Variants in CHD6 observed in about 807,000 individuals in gnomAD.
The protein encoded by CHD6 is ATP-dependent chromatin remodeler CHD6.
CHD6 carries 50 observed loss-of-function variants against 276.9 expected under a neutral mutation model. The ratio of observed to expected loss-of-function variants is 0.18; its 90% CI spans 0.14 to 0.23. The LOEUF is 0.23. CHD6 is among the 10% of genes least tolerant of loss of function. CHD6 has a pLI of 1.00. For missense variants in CHD6, 2,564 were observed against 3,365.8 expected (o/e 0.76, Z 5.89); for synonymous variants, 1,173 against 1,229.3 (o/e 0.95, Z 0.96).
At chr20:41,476,536 A>C (rs1446539680) in intron 16 of CHD6, among the ~76,000 whole-genome samples, 1 of 152,198 alleles carries the variant, frequency 6.6e-6, no homozygotes, top group Non-Finnish European at 1.5e-5. Context: ...CAAAACCAAC[A>C]CCAAAAACCA....
intron 3 of CHD6, among the ~76,000 whole-genome samples, chr20:41,525,871 T>C (rs1208689346): frequency 6.6e-6 from 1 of 152,228 alleles, no homozygotes; most frequent in Non-Finnish European, 1.5e-5. Flanking sequence ...TTTATATTTT[T>C]GCCTGTGTCT....
chr20:41,609,046 A>T (rs1034724672), intron 1 of CHD6, among the ~76,000 whole-genome samples: 1 of 152,238 alleles, frequency 6.6e-6, no homozygotes, highest in Non-Finnish European at 1.5e-5. Context: ...ACAAACCTGA[A>T]GTAAGGAACC....
intron 23 of CHD6, among the ~76,000 whole-genome samples, chr20:41,450,265 C>G (rs920034848): frequency 2.0e-5 from 3 of 152,166 alleles, no homozygotes; most frequent in Admixed American, 6.5e-5. Context: ...ACCGGAGGCC[C>G]TCACACTGCC....
At chr20:41,567,283 C>G (rs2045366093) in intron 1 of CHD6, among the ~76,000 whole-genome samples, 1 of 152,170 alleles carries the variant, frequency 6.6e-6, no homozygotes, top group South Asian at 2.1e-4. Context: ...TCCCCCTTAT[C>G]AAGGGTCAAG....
At chr20:41,419,452 T>C (rs755937547) in intron 31 of CHD6, among the ~76,000 whole-genome samples, 1 of 147,884 alleles carries the variant, frequency 6.8e-6, no homozygotes, top group African/African-American at 2.5e-5. Flanking sequence ...GGCACACACC[T>C]GTAATCCCAG....
intron 1 of CHD6, among the ~76,000 whole-genome samples, chr20:41,599,047 G>A (rs1292568704): frequency 1.3e-5 from 2 of 152,188 alleles, no homozygotes; most frequent in Non-Finnish European, 2.9e-5. Context: ...ATAGCTACAG[G>A]ATTTCAATCT....
intron 1 of CHD6, among the ~76,000 whole-genome samples, chr20:41,558,986 GAAC>G (rs2045271307): frequency 6.6e-6 from 1 of 152,114 alleles, no homozygotes; most frequent in South Asian, 2.1e-4. Context: ...CCTTTCAGTG[GAAC>G]AACGACTTTA....
chr20:41,457,663 G>A (rs1171443844), intron 17 of CHD6, among the ~76,000 whole-genome samples: 1 of 152,218 alleles, frequency 6.6e-6, no homozygotes, highest in Non-Finnish European at 1.5e-5. Context: ...AAAGCAATGA[G>A]AAGGACATGG....
intron 19 of CHD6, 50 bp downstream of exon 19, chr20:41,455,750 A>AT (rs760799864): frequency 8.0e-4 from 1,010 of 1,254,728 alleles, no homozygotes; most frequent in South Asian, 1.1e-3. Flanking sequence ...GAGAATAAAC[A>AT]TTTTTTTTTC....
intron 17 of CHD6, among the ~76,000 whole-genome samples, chr20:41,461,137 C>T (rs1462688053): frequency 6.6e-6 from 1 of 152,220 alleles, no homozygotes; most frequent in Non-Finnish European, 1.5e-5. Flanking sequence ...TGTATTTACC[C>T]AATACCTGTA....
At chr20:41,575,746 A>T (rs1212730515) in intron 1 of CHD6, among the ~76,000 whole-genome samples, 1 of 152,234 alleles carries the variant, frequency 6.6e-6, no homozygotes, top group African/African-American at 2.4e-5. Context: ...CTTTCATTGT[A>T]TGGTTTGTCC....
intron 1 of CHD6, among the ~76,000 whole-genome samples, chr20:41,594,658 A>C (rs1240112350): frequency 6.6e-6 from 1 of 152,228 alleles, no homozygotes; most frequent in Non-Finnish European, 1.5e-5. Flanking sequence ...CTTCCTGCTT[A>C]ATCTGTAATG....
In CHD6 at chr20:41,422,061, A is replaced by T. The variant is rs764396724; in HGVS notation, c.4574T>A (p.Ile1525Asn). The part of the protein sequence containing the change: ...WKDGGPPDTT[I>N]YVEPITEERA... ...TTCCTCAGTGATGGGTTCAACGTAG[A>T]TGGTGGTATCTGGGGGACCTGGAGA... is the stretch of plus-strand genomic sequence containing the variant. Residue 1525 changes from isoleucine to asparagine, a missense_variant, in exon 31 of 37, where the codon ATC becomes AAC. Physicochemically the swap from Ile to Asn is moderately radical, Grantham distance 149 (BLOSUM62 -3). Transcript: ENST00000373233. 1.2e-6 allele frequency: 2 copies of T among 1,609,292 alleles called. No individual in the cohort carries two copies. Among genetic ancestry groups the T allele is most frequent in the Admixed American group, 3.3e-5 (2 of 59,798 alleles).
chr20:41,613,788 T>TAGA (rs1328781010), intron 1 of CHD6, among the ~76,000 whole-genome samples: 1 of 152,120 alleles, frequency 6.6e-6, no homozygotes, highest in African/African-American at 2.4e-5. Flanking sequence ...TTGAGAATCA[T>TAGA]AAAAAACAAT....
chr20:41,447,860 T>A (rs2048118075), intron 24 of CHD6, 22 bp downstream of exon 24: 1 of 1,537,060 alleles, frequency 6.5e-7, no homozygotes, highest in African/African-American at 1.4e-5. Context: ...AACGTTGATA[T>A]GTTAAGTTTC....
rs879215421 is a variant in CHD6, at chr20:41,403,927, G to A, written c.*666C>T. On this transcript the variant is annotated 3_prime_UTR_variant, in exon 37 of 37. Coordinates refer to ENST00000373233, the MANE Select transcript of CHD6 (RefSeq NM_032221.5). ...GTGAGAGGGATGTATAGAAAATAAT[G>A]CCTAGTCAGTCAGTATTTCTTCTTG... The A allele has an allele frequency of 9.5e-7, 1 of 1,054,354 alleles. No homozygotes were observed. The highest frequency in any genetic ancestry group is 5.5e-5 in the Admixed American group (1 of 18,308). The allele number at this position is 1,054,354 out of a possible 1,614,324, so 65.3% of individuals were successfully genotyped here.
intron 2 of CHD6, among the ~76,000 whole-genome samples, chr20:41,542,982 T>C (rs1194131661): frequency 6.6e-6 from 1 of 151,696 alleles, no homozygotes; most frequent in African/African-American, 2.4e-5. Flanking sequence ...CGTGTGCCTG[T>C]AATCCCAGCT....
chr20:41,533,725 G>A (rs2044750701), intron 2 of CHD6, among the ~76,000 whole-genome samples, 155 bp from the exon 3 acceptor site: 1 of 152,164 alleles, frequency 6.6e-6, no homozygotes, highest in Non-Finnish European at 1.5e-5. Flanking sequence ...GAGACAGAGT[G>A]GCAAACAGGA....
rs138518310 is a variant in CHD6, at chr20:41,545,657, C to T, written c.33+5648G>A. On this transcript the variant is annotated intron_variant, in intron 2 of 36. Transcript: ENST00000373233. ...ATCCATACTACTAGTAAACTGAGTC[C>T]TCATCTCTCCCTAGAGGATTTCTGG... Among the ~76,000 whole-genome samples, 465 of 152,244 alleles carry T rather than the reference C, an allele frequency of 3.1e-3. 3 individuals are homozygous for T. The highest frequency in any genetic ancestry group is 5.3e-3 in the Non-Finnish European group (363 of 68,016).
Sources: gnomAD v4.1 joint callset for allele counts (sites outside exome capture counted in the v4.1 genomes callset) on GRCh38, gnomAD v4.1.1 for gene constraint, MANE v1.5 for transcripts, NCBI Gene and HGNC (gene_info 2026-07-23, HGNC 2026-07-21) for gene names.